Variants in CEP85L observed in about 807,000 individuals in gnomAD.
CEP85L encodes the protein centrosomal protein of 85 kDa-like.
CEP85L carries 60 observed loss-of-function variants against 100.3 expected under a neutral mutation model. The ratio of observed to expected loss-of-function variants is 0.60; its 90% CI spans 0.49 to 0.74. CEP85L has a LOEUF of 0.74. CEP85L is among the 30% of genes least tolerant of loss of function. The probability of loss-of-function intolerance (pLI) is 0.00; values close to 1 mark genes in which losing one functional copy is unlikely to be tolerated. For missense variants in CEP85L, 973 were observed against 936.2 expected (o/e 1.04, Z -0.51); for synonymous variants, 319 against 322.7 (o/e 0.99, Z 0.12).
At chr6:118,694,411 C>T (rs913784474) in intron 1 of CEP85L, among the ~76,000 whole-genome samples, 35 of 152,058 alleles carry the variant, frequency 2.3e-4, no homozygotes, top group Admixed American at 2.6e-4. Flanking sequence ...TCATATTTTA[C>T]CAATTTAAAA....
chr6:118,491,658 C>T (rs1273061882), intron 6 of CEP85L, 28 bp downstream of exon 6: 2 of 1,597,920 alleles, frequency 1.3e-6, no homozygotes, highest in Non-Finnish European at 1.7e-6. Context: ...TGTTGTTGAC[C>T]TAATTCAACT....
At chr6:118,656,270 T>G (rs987781052), upstream of CEP85L, among the ~76,000 whole-genome samples, 4 of 152,098 alleles carry the variant, frequency 2.6e-5, no homozygotes. Flanking sequence ...ATAGATGAAG[T>G]GATGGGAAAC....
At chr6:118,672,319 T>G (rs929726211) in intron 1 of CEP85L, among the ~76,000 whole-genome samples, 1 of 152,236 alleles carries the variant, frequency 6.6e-6, no homozygotes, top group Non-Finnish European at 1.5e-5. Context: ...ATTGCAGGCG[T>G]GAGCCACTGC....
intron 1 of CEP85L, among the ~76,000 whole-genome samples, chr6:118,709,532 C>CGAGTGTGTGTGTGTGT (rs1777713420): frequency 1.1e-5 from 1 of 87,158 alleles, no homozygotes; most frequent in Non-Finnish European, 2.3e-5. Context: ...CAACAATTGG[C>CGAGTGTGTGTGTGTGT]GTGTGTGTGT....
Position 118,566,126 on chromosome 6 carries a change from C to T in CEP85L, c.423G>A (p.Gln141=), listed in dbSNP as rs751870039. ...QTLGNHSRGE[Q]DSSLDMKDFR... The stretch of plus-strand genomic sequence containing the variant: ...AGTCCTTCATGTCTAGGGAAGAGTC[C>T]TGCTCCCCCCTACTGTGGTTTCCCA... Residue 141 remains glutamine (Q), a synonymous_variant, in exon 3 of 13, where the codon CAG becomes CAA. Transcript: ENST00000368491. 6.2e-7 allele frequency: 1 copy of T among 1,614,156 alleles called. No homozygotes were observed. Among genetic ancestry groups the T allele is most frequent in the South Asian group, 1.1e-5 (1 of 91,084 alleles).
intron 2 of CEP85L, among the ~76,000 whole-genome samples, chr6:118,606,347 CACACAGATA>C (rs1772221708): frequency 6.6e-6 from 1 of 152,134 alleles, no homozygotes; most frequent in Admixed American, 6.5e-5. Context: ...TAGACAAGAT[CACACAGATA>C]TTAAACCACA....
At chr6:118,526,714 T>C (rs890139800) in intron 3 of CEP85L, among the ~76,000 whole-genome samples, 1 of 152,194 alleles carries the variant, frequency 6.6e-6, no homozygotes, top group Non-Finnish European at 1.5e-5. Context: ...TCTGGTCATC[T>C]TTACTTCTCA....
At chr6:118,625,083 G>C (rs1773698799) in intron 2 of CEP85L, among the ~76,000 whole-genome samples, 1 of 152,016 alleles carries the variant, frequency 6.6e-6, no homozygotes, top group Non-Finnish European at 1.5e-5. Flanking sequence ...AACACCACCG[G>C]GATAATTGGC....
chr6:118,679,388 A>G (rs1024802025), intron 1 of CEP85L, among the ~76,000 whole-genome samples: 6 of 151,992 alleles, frequency 3.9e-5, no homozygotes, highest in African/African-American at 1.5e-4. Context: ...AATGTGCAGA[A>G]TGAACTAAAA....
chr6:118,590,327 A>AGGGG (rs1781114630), intron 2 of CEP85L, among the ~76,000 whole-genome samples: 2 of 152,112 alleles, frequency 1.3e-5, no homozygotes, highest in Non-Finnish European at 2.9e-5. Flanking sequence ...TAGCAGAAAA[A>AGGGG]CAGCTTGAGG....
chr6:118,538,370 T>C (rs1260702885), intron 3 of CEP85L, among the ~76,000 whole-genome samples: 1 of 151,806 alleles, frequency 6.6e-6, no homozygotes, highest in Admixed American at 6.6e-5. Flanking sequence ...TAAAAGACCC[T>C]GAAAAAATGA....
At chr6:118,572,373 G>A (rs766134940) in intron 2 of CEP85L, among the ~76,000 whole-genome samples, 12 of 149,070 alleles carry the variant, frequency 8.0e-5, no homozygotes, top group Non-Finnish European at 1.0e-4. Context: ...GGCCAACATC[G>A]TGAAACCCCG....
chr6:118,605,784 G>A lies in CEP85L; in HGVS notation c.232+26669C>T, dbSNP rs145017073. ...TCCCAGCACTTTGAGAGGCCGAGGC[G>A]GGCAGATCACGAGGTCAGGAGATCG... On this transcript the variant is annotated intron_variant, in intron 2 of 12. Transcript: ENST00000368491. Among the ~76,000 whole-genome samples the A allele has an allele frequency of 3.5e-3, 533 of 152,194 alleles. 5 individuals are homozygous for A. The highest frequency in any genetic ancestry group is 0.012 in the African/African-American group (495 of 41,510).
chr6:118,621,109 T>G (rs892128665), intron 2 of CEP85L, among the ~76,000 whole-genome samples: 3 of 152,242 alleles, frequency 2.0e-5, no homozygotes, highest in Non-Finnish European at 1.5e-5. Context: ...ATATCCCCTA[T>G]GGCCTGAAGC....
chr6:118,481,761 T>G lies in CEP85L; in HGVS notation c.1745+18A>C. 6.9e-7 allele frequency: 1 copy of G among 1,454,076 alleles called. No individual in the cohort carries two copies. The highest frequency in any genetic ancestry group is 1.4e-5 in the South Asian group (1 of 73,830). 90.1% of individuals were successfully genotyped at this position (1,454,076 alleles called of 1,614,324 possible). A position where few individuals can be genotyped will look rare whatever the true frequency, so the allele number is the denominator to read the frequency against. Reference sequence around the variant, plus strand: ...ATACGAATAAAATAATGTAGAAGGATTCAGAAAATTTTCTTACCTCTGAAC... The same window carrying G: ...ATACGAATAAAATAATGTAGAAGGAGTCAGAAAATTTTCTTACCTCTGAAC... On this transcript the variant is annotated intron_variant, in intron 8 of 12. Coordinates refer to ENST00000368491, the MANE Select transcript of CEP85L (RefSeq NM_001042475.3).
intron 1 of CEP85L, among the ~76,000 whole-genome samples, chr6:118,668,543 C>G (rs1228834194): frequency 6.6e-6 from 1 of 152,140 alleles, no homozygotes. Flanking sequence ...CCCAGGGGTT[C>G]AAGTCCAGCC....
chr6:118,704,329 C>A (rs1372606485), intron 1 of CEP85L, among the ~76,000 whole-genome samples: 3 of 152,142 alleles, frequency 2.0e-5, no homozygotes, highest in African/African-American at 7.2e-5. Flanking sequence ...ATAAAAATAT[C>A]CCTGGAGCTA....
At chr6:118,625,719 T>C (rs1224469404) in intron 2 of CEP85L, among the ~76,000 whole-genome samples, 1 of 151,922 alleles carries the variant, frequency 6.6e-6, no homozygotes, top group Non-Finnish European at 1.5e-5. Context: ...GTAGAAAGAG[T>C]GAACTCCAAC....
In CEP85L at chr6:118,487,373, A is replaced by G. The variant is rs185867927; in HGVS notation, c.1438-3515T>C. On this transcript the variant is annotated intron_variant, in intron 6 of 12. Transcript: ENST00000368491. ...TTTGATTTATATTTTAAAGACCTGG[A>G]GAGTAGTGTCAGCAAGATGGCAGAA... Among the ~76,000 whole-genome samples, 432 of 152,308 alleles carry G rather than the reference A, an allele frequency of 2.8e-3. 2 individuals are homozygous for G. Among genetic ancestry groups the G allele is most frequent in the Non-Finnish European group, 4.6e-3 (315 of 68,032 alleles).
Sources: allele counts gnomAD v4.1 joint callset (sites outside exome capture counted in the v4.1 genomes callset), GRCh38; gene constraint gnomAD v4.1.1; transcripts MANE v1.5; gene names NCBI Gene and HGNC (gene_info 2026-07-23, HGNC 2026-07-21).